The following STK40 variants were observed in gnomAD, a reference collection of about 807,000 sequenced individuals.
STK40 encodes the protein serine/threonine kinase 40.
In STK40, 13 loss-of-function variants were observed where a neutral mutation model predicts 47.9. The observed-to-expected ratio is 0.27, with a 90% CI of 0.18 to 0.43. STK40 has a LOEUF of 0.43. Ranked by LOEUF, STK40 falls within the 20% of genes least tolerant of loss-of-function variation. The pLI, the probability that STK40 is intolerant of heterozygous loss-of-function variation, is 1.00. For missense variants in STK40, 460 were observed against 595.1 expected (o/e 0.77, Z 2.36); for synonymous variants, 225 against 243.2 (o/e 0.93, Z 0.69).
intron 2 of STK40, 105 bp from the exon 3 acceptor site, chr1:36,358,927 T>C (rs1646829077): frequency 7.8e-6 from 10 of 1,282,470 alleles, no homozygotes; most frequent in Non-Finnish European, 1.1e-5. Context: ...GAGGGCACCA[T>C]AGCTCATGTG....
At chr1:36,364,078 G>A (rs1292336550) in intron 1 of STK40, among the ~76,000 whole-genome samples, 3 of 152,046 alleles carry the variant, frequency 2.0e-5, no homozygotes, top group Admixed American at 1.3e-4. Flanking sequence ...GTGAACCCAG[G>A]AGGCGGAGCT....
intron 1 of STK40, among the ~76,000 whole-genome samples, chr1:36,377,821 T>G (rs58339532): frequency 0.084 from 12,810 of 152,206 alleles, 1,830 homozygotes; most frequent in African/African-American, 0.29. Context: ...CCTCTTTTGG[T>G]ACACTCACAG....
intron 1 of STK40, among the ~76,000 whole-genome samples, chr1:36,372,423 C>CAAAAAAAAAAAA (rs796595993): frequency 2.5e-5 from 1 of 39,608 alleles, no homozygotes; most frequent in Non-Finnish European, 5.9e-5. Flanking sequence ...GACCTTGTCT[C>CAAAAAAAAAAAA]AAAAAAAAAA....
chr1:36,343,030 TGA>T lies in STK40; in HGVS notation c.1089+332_1089+333del, dbSNP rs1055670804. 41 of 600,072 alleles carry T rather than the reference TGA, an allele frequency of 6.8e-5. No individual in the cohort carries two copies. The Admixed American group carries it at 1.2e-3, about 18-fold the overall frequency. 37.2% of individuals were successfully genotyped at this position (600,072 alleles called of 1,614,324 possible). A position where few individuals can be genotyped will look rare whatever the true frequency, so the allele number is the denominator to read the frequency against. On this transcript the variant is annotated intron_variant, in intron 10 of 10. Coordinates refer to ENST00000373132, the MANE Select transcript of STK40 (RefSeq NM_001282547.2). ...TCTGAAAAATGAAAAGCAGGAAGGG[TGA>T]GAGAGAACTCTGAGTCAGGGGGCAG...
At chr1:36,368,956 C>G (rs1010138472) in intron 1 of STK40, among the ~76,000 whole-genome samples, 1 of 152,110 alleles carries the variant, frequency 6.6e-6, no homozygotes, top group Non-Finnish European at 1.5e-5. Flanking sequence ...TCAGGTCCCC[C>G]GAGGCAGAGG....
At chr1:36,345,992 T>TATATATATATA (rs1553135170) in intron 7 of STK40, among the ~76,000 whole-genome samples, 29 of 19,470 alleles carry the variant, frequency 1.5e-3, no homozygotes, top group African/African-American at 3.0e-3. Flanking sequence ...TATATATATA[T>TATATATATATA]TTTTTTTTTT....
intron 1 of STK40, among the ~76,000 whole-genome samples, chr1:36,374,310 C>T (rs1009495689): frequency 6.6e-6 from 1 of 152,238 alleles, no homozygotes; most frequent in African/African-American, 2.4e-5. Context: ...GGCCCCTGGC[C>T]AAGGGGGTGC....
At position 36,385,860 on chromosome 1, in the gene STK40, A is replaced by AGGAGCCGCCGCC; in HGVS notation, c.-147_-146insGGCGGCGGCTCC. ...CGCCGCCTCCCAGCGCAGCCACCCG[A>AGGAGCCGCCGCC]GCCGCCGCCGCCGCCGCCGCCGCCT... On this transcript the variant is annotated 5_prime_UTR_variant, in exon 1 of 11. Coordinates refer to ENST00000373132, the MANE Select transcript of STK40 (RefSeq NM_001282547.2). 5.7e-6 allele frequency: 1 copy of AGGAGCCGCCGCC among 175,508 alleles called. No individual in the cohort carries two copies. Among genetic ancestry groups the AGGAGCCGCCGCC allele is most frequent in the South Asian group, 1.4e-4 (1 of 7,354 alleles). 10.9% of individuals were successfully genotyped at this position (175,508 alleles called of 1,614,324 possible).
In STK40 at chr1:36,340,172, G is replaced by C. The variant is rs1014757954; in HGVS notation, c.*1583C>G. 1.3e-5 allele frequency: 2 copies of C among 152,956 alleles called. No homozygotes were observed. Among genetic ancestry groups the C allele is most frequent in the African/African-American group, 4.8e-5 (2 of 41,600 alleles). 9.5% of individuals were successfully genotyped at this position (152,956 alleles called of 1,614,324 possible). A position where few individuals can be genotyped will look rare whatever the true frequency, so the allele number is the denominator to read the frequency against. ...GCTGCTCAGGGGGAGTAAGTGCTGG[G>C]CTCCAGTAGGCTCCCACAGGCCCAC... is the stretch of plus-strand genomic sequence containing the variant. On this transcript the variant is annotated 3_prime_UTR_variant, in exon 11 of 11. Transcript: ENST00000373132.
chr1:36,344,692 C>T (rs1038627661), intron 7 of STK40, among the ~76,000 whole-genome samples: 1 of 152,228 alleles, frequency 6.6e-6, no homozygotes, highest in Admixed American at 6.5e-5. Context: ...AGGTCCCCTC[C>T]TTTGTCTACT....
At position 36,350,481 on chromosome 1, in the gene STK40, C is replaced by T. The variant is rs139608639; in HGVS notation, c.624-1666G>A. 1.8e-3 allele frequency among the ~76,000 whole-genome samples: 275 copies of T among 152,316 alleles called. 1 individual carries two copies. Among genetic ancestry groups the T allele is most frequent in the African/African-American group, 6.4e-3 (267 of 41,568 alleles). ...TACGGTGGGTTTGGGAGCCAGGTTC[C>T]TAGTCCTGGCTCTGCCACTTCCTTG... On this transcript the variant is annotated intron_variant, in intron 6 of 10. Coordinates refer to ENST00000373132, the MANE Select transcript of STK40 (RefSeq NM_001282547.2).
At chr1:36,345,999 T>A (rs1420533603) in intron 7 of STK40, among the ~76,000 whole-genome samples, 4 of 83,550 alleles carry the variant, frequency 4.8e-5, no homozygotes, top group South Asian at 4.1e-4. Flanking sequence ...ATATTTTTTT[T>A]TTTTTTTTTT....
intron 1 of STK40, among the ~76,000 whole-genome samples, chr1:36,374,966 T>C (rs1194045332): frequency 1.3e-5 from 2 of 152,182 alleles, no homozygotes; most frequent in Non-Finnish European, 2.9e-5. Flanking sequence ...TGGGGTCCCA[T>C]GTGGAGTTCA....
chr1:36,352,940 C>T (rs1646772052), intron 6 of STK40, among the ~76,000 whole-genome samples: 1 of 152,228 alleles, frequency 6.6e-6, no homozygotes, highest in Admixed American at 6.5e-5. Flanking sequence ...CCGATGGCCT[C>T]TCAGGCTGGA....
chr1:36,348,272 G>A (rs1346908890), intron 7 of STK40, among the ~76,000 whole-genome samples: 1 of 152,208 alleles, frequency 6.6e-6, no homozygotes, highest in Non-Finnish European at 1.5e-5. Flanking sequence ...GCACCTCTCT[G>A]GCTTCCCCTT....
chr1:36,341,529 A>G lies in STK40; in HGVS notation c.*226T>C. On this transcript the variant is annotated 3_prime_UTR_variant, in exon 11 of 11. Transcript: ENST00000373132. ...CATCGTGATTAAAAGCAGATTAGTT[A>G]TCTAGGCTTCTCAGATTTAAAAACC... The G allele has an allele frequency of 3.4e-6, 2 of 581,230 alleles. No individual in the cohort carries two copies. The highest frequency in any genetic ancestry group is 6.1e-6 in the Non-Finnish European group (2 of 325,350). The allele number at this position is 581,230 out of a possible 1,614,324, so 36.0% of individuals were successfully genotyped here.
At chr1:36,345,752 A>G (rs2124725789) in intron 7 of STK40, among the ~76,000 whole-genome samples, 1 of 151,878 alleles carries the variant, frequency 6.6e-6, no homozygotes, top group South Asian at 2.1e-4. Context: ...CTGCTGGCTT[A>G]GGCAGGAAGG....
chr1:36,355,495 C>G (rs1646795812), intron 4 of STK40, 62 bp from the exon 5 acceptor site: 2 of 1,544,438 alleles, frequency 1.3e-6, no homozygotes, highest in Non-Finnish European at 8.9e-7. Flanking sequence ...AGGCCAGGGC[C>G]TGGGACTCTC....
At chr1:36,381,691 G>A (rs182837273) in intron 1 of STK40, among the ~76,000 whole-genome samples, 23 of 152,180 alleles carry the variant, frequency 1.5e-4, no homozygotes, top group Admixed American at 1.5e-3. Context: ...GTCCCACTAT[G>A]TTGGCCAGGC....
Sources: gnomAD v4.1 joint callset for allele counts (sites outside exome capture counted in the v4.1 genomes callset) on GRCh38, gnomAD v4.1.1 for gene constraint, MANE v1.5 for transcripts, NCBI Gene and HGNC (gene_info 2026-07-23, HGNC 2026-07-21) for gene names.